The following SHTN1 variants were observed in gnomAD, a reference collection of about 807,000 sequenced individuals.
SHTN1 encodes the protein shootin 1.
Under a neutral mutation model 83.1 loss-of-function variants are expected in SHTN1, and 42 were observed. The observed-to-expected ratio is 0.51, with a 90% CI of 0.39 to 0.65. The LOEUF is 0.65. SHTN1 is among the 30% of genes least tolerant of loss of function. The pLI, the probability that SHTN1 is intolerant of heterozygous loss-of-function variation, is 0.00. For missense variants in SHTN1, 622 were observed against 737.8 expected (o/e 0.84, Z 1.82); for synonymous variants, 224 against 247.7 (o/e 0.90, Z 0.90).
intron 1 of SHTN1, among the ~76,000 whole-genome samples, chr10:117,074,590 T>C (rs1853127398): frequency 6.6e-6 from 1 of 152,246 alleles, no homozygotes; most frequent in Non-Finnish European, 1.5e-5. Context: ...TCCTCTCTTG[T>C]ACAATTTTGA....
Position 116,999,249 on chromosome 10 carries a change from C to T in SHTN1, c.58+5773G>A, listed in dbSNP as rs537109571. Among the ~76,000 whole-genome samples the T allele has an allele frequency of 8.3e-4, 126 of 152,244 alleles. 2 individuals carry two copies. In the South Asian group the frequency reaches 0.022, roughly 27 times the overall value. ...AACATTAATCAATTTTTAATGACAA[C>T]GCTACATGTACTAATATAAAAAATT... is the stretch of plus-strand genomic sequence containing the variant. On this transcript the variant is annotated intron_variant, in intron 1 of 16. Coordinates refer to ENST00000355371, the MANE Select transcript of SHTN1 (RefSeq NM_001127211.3).
chr10:116,952,016 T>TA lies in SHTN1; in HGVS notation c.437-11dup. On this transcript the variant is annotated splice_polypyrimidine_tract_variant and intron_variant, in intron 5 of 16. Coordinates refer to ENST00000355371, the MANE Select transcript of SHTN1 (RefSeq NM_001127211.3). Reference sequence around the variant, plus strand: ...ATTTGATCTCGAAGTTCTGCATTTTTAAAGAAAAAAAATATATAAATAAAC... The same window carrying TA: ...ATTTGATCTCGAAGTTCTGCATTTTTAAAAGAAAAAAAATATATAAATAAAC... 1 of 1,400,788 alleles carries TA rather than the reference T, an allele frequency of 7.1e-7. No homozygotes were observed. The highest frequency in any genetic ancestry group is 9.6e-7 in the Non-Finnish European group (1 of 1,043,080). 86.8% of individuals were successfully genotyped at this position (1,400,788 alleles called of 1,614,324 possible).
chr10:117,013,912 G>A (rs1419120760), intron 2 of SHTN1, among the ~76,000 whole-genome samples: 1 of 151,990 alleles, frequency 6.6e-6, no homozygotes, highest in African/African-American at 2.4e-5. Context: ...TTCCAAATAT[G>A]TGTGTGTGTA....
At chr10:116,992,191 G>C (rs896725131) in intron 1 of SHTN1, among the ~76,000 whole-genome samples, 2 of 151,938 alleles carry the variant, frequency 1.3e-5, no homozygotes, top group Admixed American at 6.6e-5. Flanking sequence ...AAATTCCAAA[G>C]GCAAACAGCA....
chr10:116,984,944 T>TGCCTG (rs764033904), intron 1 of SHTN1, among the ~76,000 whole-genome samples: 4 of 151,992 alleles, frequency 2.6e-5, no homozygotes, highest in Non-Finnish European at 5.9e-5. Flanking sequence ...TTTTTCCCTC[T>TGCCTG]GCCTGCAAAG....
At chr10:117,094,879 A>T (rs1324886394) in intron 1 of SHTN1, among the ~76,000 whole-genome samples, 1 of 152,220 alleles carries the variant, frequency 6.6e-6, no homozygotes, top group Non-Finnish European at 1.5e-5. Context: ...TAAGTTACAT[A>T]ATCATGTGCC....
intron 14 of SHTN1, among the ~76,000 whole-genome samples, chr10:116,909,121 G>C (rs544361626): frequency 6.6e-6 from 1 of 152,282 alleles, no homozygotes; most frequent in South Asian, 2.1e-4. Flanking sequence ...ATAGAAAAGA[G>C]AATTCAAATT....
intron 11 of SHTN1, among the ~76,000 whole-genome samples, chr10:116,923,719 A>G (rs1344514514): frequency 6.6e-6 from 1 of 151,962 alleles, no homozygotes; most frequent in African/African-American, 2.4e-5. Flanking sequence ...ACTCCTGGTT[A>G]ATGTTTTTTA....
At chr10:116,916,928 C>T (rs12771537) in intron 12 of SHTN1, among the ~76,000 whole-genome samples, 1 of 152,184 alleles carries the variant, frequency 6.6e-6, no homozygotes, top group African/African-American at 2.4e-5. Context: ...TTTTCAGATC[C>T]AGAAGTCAAA....
upstream of SHTN1, among the ~76,000 whole-genome samples, chr10:117,008,136 C>T (rs2133553534): frequency 6.6e-6 from 1 of 151,920 alleles, no homozygotes; most frequent in African/African-American, 2.4e-5. Flanking sequence ...CAAATATATA[C>T]ATAGAGATAA....
At chr10:117,109,270 A>G (rs1295184889) in intron 1 of SHTN1, among the ~76,000 whole-genome samples, 2 of 152,120 alleles carry the variant, frequency 1.3e-5, no homozygotes, top group African/African-American at 4.8e-5. Context: ...TATGTAGTCC[A>G]TGTTGTGACT....
chr10:117,117,643 G>T (rs185576270), intron 1 of SHTN1, among the ~76,000 whole-genome samples: 1 of 152,210 alleles, frequency 6.6e-6, no homozygotes, highest in Non-Finnish European at 1.5e-5. Flanking sequence ...TTCAAAATTT[G>T]CTACAAAGCT....
chr10:117,090,833 G>C (rs958178699), intron 1 of SHTN1, among the ~76,000 whole-genome samples: 1 of 150,758 alleles, frequency 6.6e-6, no homozygotes, highest in African/African-American at 2.4e-5. Flanking sequence ...GAGGGAGGGA[G>C]GGAGGGAAAG....
chr10:117,068,092 C>T (rs1156792653), intron 1 of SHTN1, among the ~76,000 whole-genome samples: 1 of 152,016 alleles, frequency 6.6e-6, no homozygotes, highest in Admixed American at 6.6e-5. Flanking sequence ...GAAATGGGAA[C>T]CCATTTAAGA....
At chr10:116,981,429 A>G (rs543410086) in intron 1 of SHTN1, among the ~76,000 whole-genome samples, 2 of 152,208 alleles carry the variant, frequency 1.3e-5, no homozygotes, top group Non-Finnish European at 2.9e-5. Context: ...CACCGCAAGA[A>G]CTAAGTAAAA....
intron 1 of SHTN1, among the ~76,000 whole-genome samples, chr10:117,054,852 CAAAGCA>C: frequency 6.6e-6 from 1 of 152,246 alleles, no homozygotes; most frequent in East Asian, 1.9e-4. Context: ...CTTTTCAGGA[CAAAGCA>C]ATATATATCT....
At chr10:117,099,157 T>C (rs1003472823) in intron 1 of SHTN1, among the ~76,000 whole-genome samples, 2 of 152,022 alleles carry the variant, frequency 1.3e-5, no homozygotes, top group Admixed American at 6.6e-5. Context: ...TTCTCACTTA[T>C]AAGTGGGAGC....
chr10:116,997,203 T>C (rs1394637815), intron 1 of SHTN1, among the ~76,000 whole-genome samples: 1 of 152,206 alleles, frequency 6.6e-6, no homozygotes, highest in Non-Finnish European at 1.5e-5. Context: ...AGTTTCCCCA[T>C]AAACTCACCT....
intron 2 of SHTN1, among the ~76,000 whole-genome samples, chr10:117,019,475 C>T (rs1852229720): frequency 6.6e-6 from 1 of 152,094 alleles, no homozygotes. Context: ...TGAGCCACCA[C>T]ACCTATCCTT....
Sources: allele counts gnomAD v4.1 joint callset (sites outside exome capture counted in the v4.1 genomes callset), GRCh38; gene constraint gnomAD v4.1.1; transcripts MANE v1.5; gene names NCBI Gene and HGNC (gene_info 2026-07-23, HGNC 2026-07-21).